The following ADARB2 variants were observed in gnomAD, a reference collection of about 807,000 sequenced individuals.
The protein encoded by ADARB2 is adenosine deaminase RNA specific B2 (inactive).
Under a neutral mutation model 62.2 loss-of-function variants are expected in ADARB2, and 25 were observed. The observed-to-expected ratio is 0.40, with a 90% CI of 0.29 to 0.56. The LOEUF is 0.56. Among genes scored for constraint, ADARB2 ranks in the 20% least tolerant of loss-of-function variants. The pLI, the probability that ADARB2 is intolerant of heterozygous loss-of-function variation, is 0.43. For synonymous variants in ADARB2, 572 were observed against 500.8 expected, an observed-to-expected ratio of 1.14 and a Z score of -1.90; for missense variants, 1,071 against 1,077.4, an observed-to-expected ratio of 0.99 and a Z score of 0.08.
At chr10:1,694,922 C>T (rs182810352) in intron 1 of ADARB2, among the ~76,000 whole-genome samples, 170 of 152,214 alleles carry the variant, frequency 1.1e-3, no homozygotes, top group African/African-American at 3.9e-3. Flanking sequence ...GGCTCCTTTT[C>T]ACGTGAAGCC....
chr10:1,579,407 A>G (rs1031961692), intron 1 of ADARB2, among the ~76,000 whole-genome samples: 1 of 152,218 alleles, frequency 6.6e-6, no homozygotes, highest in African/African-American at 2.4e-5. Flanking sequence ...TAGTATGCAC[A>G]TAACAGCAAG....
At chr10:1,548,128 G>A (rs12254327) in intron 1 of ADARB2, among the ~76,000 whole-genome samples, 9,027 of 152,198 alleles carry the variant, frequency 0.059, 858 homozygotes, top group African/African-American at 0.2. Context: ...CTTGGACGCC[G>A]AAGCTCAGGT....
intron 3 of ADARB2, among the ~76,000 whole-genome samples, chr10:1,276,883 G>C (rs1253718723): frequency 6.6e-6 from 1 of 152,166 alleles, no homozygotes; most frequent in Non-Finnish European, 1.5e-5. Flanking sequence ...AAATGTAAAA[G>C]AACAGAAGTT....
intron 1 of ADARB2, among the ~76,000 whole-genome samples, chr10:1,540,524 A>G (rs921626217): frequency 8.6e-6 from 1 of 116,066 alleles, no homozygotes; most frequent in African/African-American, 3.5e-5. Context: ...GACCCCACTC[A>G]GACGTAGTTC....
intron 1 of ADARB2, among the ~76,000 whole-genome samples, chr10:1,402,617 C>A (rs1362199069): frequency 6.6e-6 from 1 of 152,118 alleles, no homozygotes; most frequent in Non-Finnish European, 1.5e-5. Flanking sequence ...CGGAGGCGGC[C>A]CCACTTCAGT....
intron 1 of ADARB2, among the ~76,000 whole-genome samples, chr10:1,721,279 T>C (rs1461472112): frequency 1.3e-5 from 2 of 152,194 alleles, no homozygotes; most frequent in Non-Finnish European, 2.9e-5. Flanking sequence ...AACCAAAATA[T>C]TGCAAGAGGT....
In ADARB2 at chr10:1,510,110, C is replaced by CTCTCTTTCTTTCTTTCTT. The variant is rs1554767637; in HGVS notation, c.101-130951_101-130950insAAGAAAGAAAGAAAGAGA. 6.6e-5 allele frequency among the ~76,000 whole-genome samples: 7 copies of CTCTCTTTCTTTCTTTCTT among 106,252 alleles called. 1 individual carries two copies. The highest frequency in any genetic ancestry group is 2.8e-4 in the East Asian group (1 of 3,542). 69.7% of individuals were successfully genotyped at this position (106,252 alleles called of 152,430 possible). A position where few individuals can be genotyped will look rare whatever the true frequency, so the allele number is the denominator to read the frequency against. ...CTCTCTCTCTCTTTTCTTTCTTTCT[C>CTCTCTTTCTTTCTTTCTT]TCTTTCTTTCTTTCTTTCTTTCTTT... On this transcript the variant is annotated intron_variant, in intron 1 of 9. Transcript: ENST00000381312.
chr10:1,645,762 C>T (rs1290018529), intron 1 of ADARB2, among the ~76,000 whole-genome samples: 1 of 146,200 alleles, frequency 6.8e-6, no homozygotes, highest in Non-Finnish European at 1.5e-5. Context: ...GTTGAGCTGC[C>T]CCCTCTGCCT....
intron 1 of ADARB2, among the ~76,000 whole-genome samples, chr10:1,585,714 A>T (rs967129800): frequency 3.3e-5 from 5 of 152,200 alleles, no homozygotes; most frequent in African/African-American, 4.8e-5. Context: ...ATATTGATTG[A>T]TGTCTCAGGT....
rs368268294 is a variant in ADARB2, at chr10:1,216,965, C to T, written c.1668G>A (p.Thr556=). The change falls in exon 7 of 10, where the codon ACG becomes ACA. Residue 556 remains threonine (T), a synonymous_variant. Transcript: ENST00000381312. ...LGEQLITMSC[T]DKIARWNVLG... ...GTGGGCCTCACCTGGCGATCTTGTC[C>T]GTGCAGGACATGGTGATCAGCTGCT... The T allele has an allele frequency of 4.4e-5, 71 of 1,607,288 alleles. 1 individual carries two copies. The highest frequency in any genetic ancestry group is 1.2e-4 in the South Asian group (11 of 90,914).
chr10:1,681,762 A>G (rs560127842), intron 1 of ADARB2, among the ~76,000 whole-genome samples: 1 of 152,340 alleles, frequency 6.6e-6, no homozygotes, highest in South Asian at 2.1e-4. Context: ...GGGCCTGATA[A>G]CATGCATTTT....
intron 1 of ADARB2, among the ~76,000 whole-genome samples, chr10:1,617,934 C>G (rs557803092): frequency 6.6e-6 from 1 of 152,348 alleles, no homozygotes; most frequent in African/African-American, 2.4e-5. Context: ...TTGGACGGCT[C>G]TTCCCCTCCA....
rs567787310 is a variant in ADARB2 at position 1,464,447 on chromosome 10, G to A, written c.101-85287C>T. On this transcript the variant is annotated intron_variant, in intron 1 of 9. Transcript: ENST00000381312. ...GGCCAGTCACAGCGGGCAGTGCACC[G>A]GAGAAGAGGGTGGACACACACTCCC... Among the ~76,000 whole-genome samples, 60 of 108,332 alleles carry A rather than the reference G, an allele frequency of 5.5e-4. 3 individuals are homozygous for A. Among genetic ancestry groups the A allele is most frequent in the African/African-American group, 1.9e-3 (56 of 29,340 alleles). 71.1% of individuals were successfully genotyped at this position (108,332 alleles called of 152,430 possible).
chr10:1,669,817 CAT>C (rs1409807301), intron 1 of ADARB2, among the ~76,000 whole-genome samples: 1 of 151,866 alleles, frequency 6.6e-6, no homozygotes, highest in Non-Finnish European at 1.5e-5. Flanking sequence ...AACACAGACA[CAT>C]AGACTCACAG....
At chr10:1,404,718 C>T (rs1023199151) in intron 1 of ADARB2, among the ~76,000 whole-genome samples, 1 of 152,178 alleles carries the variant, frequency 6.6e-6, no homozygotes, top group African/African-American at 2.4e-5. Context: ...AAGTTCCTTC[C>T]GTTTGACCGG....
chr10:1,583,859 C>G (rs1324779089), intron 1 of ADARB2, among the ~76,000 whole-genome samples: 4 of 152,038 alleles, frequency 2.6e-5, no homozygotes, highest in African/African-American at 9.7e-5. Context: ...AGAAATAGAC[C>G]CACACAAATA....
chr10:1,713,197 G>A (rs1564202184), intron 1 of ADARB2, among the ~76,000 whole-genome samples: 2 of 152,190 alleles, frequency 1.3e-5, no homozygotes, highest in Admixed American at 6.5e-5. Flanking sequence ...CTGGGGAGGT[G>A]TGGGTGATGG....
At chr10:1,452,540 A>G (rs1375204142) in intron 1 of ADARB2, among the ~76,000 whole-genome samples, 1 of 151,790 alleles carries the variant, frequency 6.6e-6, no homozygotes, top group Non-Finnish European at 1.5e-5. Context: ...AAACTAACAC[A>G]AGAACAGAAA....
chr10:1,644,220 C>A (rs1464320089), intron 1 of ADARB2, among the ~76,000 whole-genome samples: 1 of 152,202 alleles, frequency 6.6e-6, no homozygotes, highest in African/African-American at 2.4e-5. Context: ...TTTTCTTCCT[C>A]CAGGCTGCAG....
Sources: allele counts gnomAD v4.1 joint callset (sites outside exome capture counted in the v4.1 genomes callset), GRCh38; gene constraint gnomAD v4.1.1; transcripts MANE v1.5; gene names NCBI Gene and HGNC (gene_info 2026-07-23, HGNC 2026-07-21).